The following MBNL3 variants were observed in gnomAD, a reference collection of about 807,000 sequenced individuals.
The protein encoded by MBNL3 is muscleblind-like protein 3.
A neutral mutation model predicts 24.5 loss-of-function variants in MBNL3; 6 were observed. That is an observed-to-expected ratio of 0.25 (90% CI 0.13 to 0.48). The LOEUF (loss-of-function observed/expected upper bound fraction) is 0.48, where lower values mean the gene tolerates loss of function less well. Among genes scored for constraint, MBNL3 ranks in the 20% least tolerant of loss-of-function variants. The pLI is 0.99. For synonymous variants in MBNL3, 100 were observed against 101.7 expected (o/e 0.98, Z 0.10); for missense variants, 230 against 293.5 (o/e 0.78, Z 1.58).
chrX:132,390,621 C>CAGTAG (rs1235303684), intron 5 of MBNL3, among the ~76,000 whole-genome samples: 2 of 111,396 alleles, frequency 1.8e-5, no homozygotes, highest in African/African-American at 6.5e-5. Context: ...AGAAAGAGCA[C>CAGTAG]AGTAGGTTAA....
upstream of MBNL3, chrX:132,489,066 C>T (rs1334532005): frequency 8.8e-6 from 1 of 113,331 alleles, no homozygotes; most frequent in Non-Finnish European, 1.9e-5. Context: ...TAGATATAAG[C>T]AAATTAAAGC....
intron 2 of MBNL3, among the ~76,000 whole-genome samples, chrX:132,433,781 C>T (rs995533232): frequency 4.5e-5 from 5 of 111,419 alleles, no homozygotes; most frequent in African/African-American, 1.3e-4. Context: ...CTCCCACTGC[C>T]CTCCCCCTTC....
chrX:132,423,011 A>G (rs1943967849), intron 2 of MBNL3, among the ~76,000 whole-genome samples: 1 of 111,974 alleles, frequency 8.9e-6, no homozygotes, highest in East Asian at 2.8e-4. Context: ...TTTGCTATGC[A>G]TTTTATTATG....
chrX:132,458,248 A>T, intron 1 of MBNL3, among the ~76,000 whole-genome samples: 1 of 110,285 alleles, frequency 9.1e-6, no homozygotes, highest in East Asian at 2.8e-4. Flanking sequence ...AAATTTCAAA[A>T]AATGTCTTAG....
At chrX:132,386,855 T>C (rs370099401) in intron 5 of MBNL3, 44 bp from the exon 6 acceptor site, 22 of 1,182,666 alleles carry the variant, frequency 1.9e-5, no homozygotes, top group Non-Finnish European at 2.5e-5. Context: ...AAGTAACAAA[T>C]GTACTCAAAC....
chrX:132,423,128 G>A (rs1477786217), intron 2 of MBNL3, among the ~76,000 whole-genome samples: 2 of 111,455 alleles, frequency 1.8e-5, no homozygotes, highest in African/African-American at 3.3e-5. Flanking sequence ...AAAGAAGGCC[G>A]GTCTAGGTCA....
intron 2 of MBNL3, among the ~76,000 whole-genome samples, chrX:132,418,974 G>A (rs766932239): frequency 2.7e-5 from 3 of 112,098 alleles, no homozygotes; most frequent in East Asian, 2.8e-4. Context: ...GGGTTTCCCC[G>A]TGTTGCACAG....
intron 2 of MBNL3, among the ~76,000 whole-genome samples, chrX:132,412,678 C>A (rs1248554353): frequency 8.9e-6 from 1 of 112,386 alleles, no homozygotes; most frequent in Non-Finnish European, 1.9e-5. Flanking sequence ...AAGCCTGCCT[C>A]ACTAATAACC....
intron 1 of MBNL3, among the ~76,000 whole-genome samples, chrX:132,480,142 C>A (rs1947656332): frequency 9.0e-6 from 1 of 111,397 alleles, no homozygotes; most frequent in South Asian, 3.8e-4. Context: ...AAGAATTATA[C>A]TGAGGACAAA....
In MBNL3 at chrX:132,400,595, C is replaced by T. The variant is rs79259973; in HGVS notation, c.342+5633G>A. Among the ~76,000 whole-genome samples the T allele has an allele frequency of 3.3e-4, 37 of 111,651 alleles. No homozygotes were observed. In the East Asian group the frequency reaches 6.2e-3, roughly 19 times the overall value. ...AAATTTTACAAACACATTTTAAACA[C>T]GTTGCTAGGACCCCTCTCAGGGTTT... On this transcript the variant is annotated intron_variant, in intron 3 of 8. Coordinates refer to ENST00000370853, the MANE Select transcript of MBNL3 (RefSeq NM_001386889.1).
intron 1 of MBNL3, among the ~76,000 whole-genome samples, chrX:132,481,554 CATT>C (rs766352125): frequency 1.9e-4 from 21 of 112,025 alleles, no homozygotes; most frequent in Middle Eastern, 4.6e-3. Flanking sequence ...TCATCATCAT[CATT>C]GTCATCCCAC....
intron 1 of MBNL3, among the ~76,000 whole-genome samples, chrX:132,451,097 G>A (rs1946083746): frequency 8.9e-6 from 1 of 112,264 alleles, no homozygotes; most frequent in South Asian, 3.7e-4. Flanking sequence ...TGTATGAGGT[G>A]TCTGTCAACC....
rs1303991659 is a variant in MBNL3, at chrX:132,488,929, G to A, written c.-782C>T. ...CAGCAGGGGCAGCGGCAGCGACAGC[G>A]GCACATGCCATCTGTTAGCGGCAGA... On this transcript the variant is annotated 5_prime_UTR_variant, in exon 1 of 9. Transcript: ENST00000370853. The A allele has an allele frequency of 8.8e-6, 1 of 113,749 alleles. No homozygotes were observed. The highest frequency in any genetic ancestry group is 1.9e-5 in the Non-Finnish European group (1 of 53,574). 9.4% of individuals were successfully genotyped at this position (113,749 alleles called of 1,213,427 possible).
At chrX:132,458,230 T>C (rs1946468380) in intron 1 of MBNL3, among the ~76,000 whole-genome samples, 1 of 110,445 alleles carries the variant, frequency 9.1e-6, no homozygotes, top group Non-Finnish European at 1.9e-5. Context: ...ATTTTCAAAA[T>C]TTCAAACAAA....
chrX:132,457,291 C>T (rs1166098233), intron 1 of MBNL3, among the ~76,000 whole-genome samples: 1 of 111,325 alleles, frequency 9.0e-6, no homozygotes, highest in Non-Finnish European at 1.9e-5. Context: ...AAATAAAACT[C>T]AAGGGAAATA....
At position 132,376,234 on chromosome X, in the gene MBNL3, C is replaced by A. The variant is rs1047039872; in HGVS notation, c.*3432G>T. 2 of 111,190 alleles carry A rather than the reference C, an allele frequency of 1.8e-5. No homozygotes were observed. The highest frequency in any genetic ancestry group is 6.5e-5 in the African/African-American group (2 of 30,719). The allele number at this position is 111,190 out of a possible 1,213,427, so 9.2% of individuals were successfully genotyped here. On this transcript the variant is annotated 3_prime_UTR_variant, in exon 9 of 9. Transcript: ENST00000370853. Reference sequence around the variant, plus strand: ...TGACTTTCCACATCATGATTAACTACAAATTAAAGCCTCTGATCTAGAAAA... The same window carrying A: ...TGACTTTCCACATCATGATTAACTAAAAATTAAAGCCTCTGATCTAGAAAA...
At chrX:132,419,218 A>G (rs1330842465) in intron 2 of MBNL3, among the ~76,000 whole-genome samples, 4 of 112,388 alleles carry the variant, frequency 3.6e-5, no homozygotes, top group African/African-American at 9.7e-5. Context: ...GCAATGTCCA[A>G]TTATCAGGAG....
At chrX:132,412,488 C>T (rs1010039720) in intron 2 of MBNL3, among the ~76,000 whole-genome samples, 3 of 112,741 alleles carry the variant, frequency 2.7e-5, no homozygotes, top group Non-Finnish European at 5.6e-5. Context: ...CTTCTTGTGG[C>T]TCTCTAATGC....
Position 132,390,995 on chromosome X carries a change from G to C in MBNL3, c.623C>G (p.Ala208Gly). The C allele has an allele frequency of 8.3e-7, 1 of 1,210,793 alleles. No homozygotes were observed. Among genetic ancestry groups the C allele is most frequent in the Non-Finnish European group, 1.1e-6 (1 of 895,004 alleles). Residue 208 changes from alanine (A) to glycine (G), a missense_variant, in exon 5 of 9, where the codon GCG (alanine) becomes GGG (glycine). Coordinates refer to ENST00000370853, the MANE Select transcript of MBNL3 (RefSeq NM_001386889.1). ...AHPTDASMIE[A>G]SDNTVTICMD... ...GCAGATTGTCACAGTATTATCACTC[G>C]CTTCAATCATGGAAGCATCAGTAGG...
Sources: allele counts gnomAD v4.1 joint callset (sites outside exome capture counted in the v4.1 genomes callset), GRCh38; gene constraint gnomAD v4.1.1; transcripts MANE v1.5; gene names NCBI Gene and HGNC (gene_info 2026-07-23, HGNC 2026-07-21).